ANK1: variants seen among roughly 807,000 people sequenced by gnomAD.
ANK1 encodes the protein ankyrin-1.
ANK1 carries 51 observed loss-of-function variants against 210.4 expected under a neutral mutation model. The ratio of observed to expected loss-of-function variants is 0.24; its 90% confidence interval spans 0.19 to 0.31. The LOEUF (loss-of-function observed/expected upper bound fraction) is 0.31, where lower values mean the gene tolerates loss of function less well. Ranked by LOEUF, ANK1 falls within the 10% of genes least tolerant of loss-of-function variation. The pLI, the probability that ANK1 is intolerant of heterozygous loss-of-function variation, is 1.00. For missense variants in ANK1, 2,051 were observed against 2,504.4 expected (o/e 0.82, Z 3.86); for synonymous variants, 967 against 1,025.9 (o/e 0.94, Z 1.10).
chr8:41,688,142 A>G lies in ANK1; in HGVS notation c.4258+14T>C. 6.2e-7 allele frequency: 1 copy of G among 1,613,900 alleles called. No individual in the cohort carries two copies. Among genetic ancestry groups the G allele is most frequent in the Non-Finnish European group, 8.5e-7 (1 of 1,179,778 alleles). On this transcript the variant is annotated intron_variant, in intron 35 of 42. Coordinates refer to ENST00000289734, the MANE Select transcript of ANK1 (RefSeq NM_000037.4). ...ATGGACAAAGTGCTTTTCTGCCCCC[A>G]ATTCCCCACTCACCTGCCCAGCTGA...
At chr8:41,711,707 T>C (rs553556163) in intron 16 of ANK1, among the ~76,000 whole-genome samples, 35 of 152,230 alleles carry the variant, frequency 2.3e-4, no homozygotes, top group Non-Finnish European at 5.1e-4. Flanking sequence ...TTTGTCAATA[T>C]ATACCTTCCA....
chr8:41,696,413 G>T lies in ANK1; in HGVS notation c.2910C>A (p.Gly970=). The T allele has an allele frequency of 6.2e-7, 1 of 1,613,310 alleles. No homozygotes were observed. The change falls in exon 26 of 43, where the codon GGC becomes GGA. Residue 970 remains glycine (G), a synonymous_variant. Transcript: ENST00000289734. ...CCAGTGCTATGATCCTGCTGGCCAG[G>T]CCCTCCTCCTCGGCCAGTGGGGGCG... The part of the protein sequence containing the change: ...STPPPLAEEE[G]LASRIIALGP...
At chr8:41,775,916 T>C (rs1369276657) in intron 1 of ANK1, among the ~76,000 whole-genome samples, 1 of 152,174 alleles carries the variant, frequency 6.6e-6, no homozygotes, top group Non-Finnish European at 1.5e-5. Context: ...AGCTACAATG[T>C]GTGAGCCAGG....
chr8:41,790,836 C>T (rs1320465888), intron 1 of ANK1, among the ~76,000 whole-genome samples: 1 of 152,162 alleles, frequency 6.6e-6, no homozygotes, highest in Non-Finnish European at 1.5e-5. Flanking sequence ...CTTCAAATCA[C>T]GCCGTGTAGA....
chr8:41,655,700 CTG>C lies in ANK1; in HGVS notation c.*88_*89del. On this transcript the variant is annotated 3_prime_UTR_variant, in exon 43 of 43. Transcript: ENST00000289734. ...GTGGCCCTCAGGTCCAGCTCTCCTC[CTG>C]TGTGCATGGCAGAGTGTGTGGGGTT... The C allele has an allele frequency of 1.2e-6, 2 of 1,613,618 alleles. No homozygotes were observed. Among genetic ancestry groups the C allele is most frequent in the Non-Finnish European group, 8.5e-7 (1 of 1,179,570 alleles).
At chr8:41,735,156 C>T (rs1833114771) in intron 2 of ANK1, among the ~76,000 whole-genome samples, 1 of 152,220 alleles carries the variant, frequency 6.6e-6, no homozygotes, top group Admixed American at 6.5e-5. Flanking sequence ...TTATTCATCA[C>T]TCTCATGCTT....
At chr8:41,728,238 C>G (rs1434187541) in intron 3 of ANK1, among the ~76,000 whole-genome samples, 2 of 152,102 alleles carry the variant, frequency 1.3e-5, no homozygotes, top group African/African-American at 4.8e-5. Flanking sequence ...CTGCAAGAGC[C>G]ATAAAAAAGA....
intron 1 of ANK1, among the ~76,000 whole-genome samples, chr8:41,805,217 CTCTCTCTG>C (rs918668651): frequency 4.6e-5 from 7 of 151,116 alleles, no homozygotes; most frequent in African/African-American, 9.8e-5. Flanking sequence ...GTCTCTCTCT[CTCTCTCTG>C]TCTCTCTCTC....
intron 1 of ANK1, among the ~76,000 whole-genome samples, chr8:41,825,031 A>G (rs972690184): frequency 3.3e-5 from 5 of 152,220 alleles, no homozygotes; most frequent in African/African-American, 1.2e-4. Context: ...CAACAGAGTA[A>G]CCTAAAGATG....
chr8:41,883,878 G>T (rs756394397), intron 1 of ANK1, among the ~76,000 whole-genome samples: 1 of 152,194 alleles, frequency 6.6e-6, no homozygotes, highest in Non-Finnish European at 1.5e-5. Flanking sequence ...CAGCTCTGTT[G>T]TCGAGGGCAG....
chr8:41,847,966 C>T (rs894299207), intron 1 of ANK1, among the ~76,000 whole-genome samples: 9 of 152,102 alleles, frequency 5.9e-5, no homozygotes, highest in Admixed American at 3.9e-4. Context: ...AGGCAGATCA[C>T]TTGAGGTCAG....
At chr8:41,663,603 T>G in intron 40 of ANK1, 56 bp downstream of exon 40, 2 of 1,546,414 alleles carry the variant, frequency 1.3e-6, no homozygotes, top group Non-Finnish European at 1.8e-6. Context: ...CTACCACCTT[T>G]TAGCTTCTAG....
At chr8:41,844,920 T>A (rs968747611) in intron 1 of ANK1, among the ~76,000 whole-genome samples, 2 of 152,116 alleles carry the variant, frequency 1.3e-5, no homozygotes, top group Non-Finnish European at 2.9e-5. Flanking sequence ...GTCCCCGGGA[T>A]GCGCTTTCTG....
intron 2 of ANK1, among the ~76,000 whole-genome samples, chr8:41,754,935 GC>G (rs1838732307): frequency 6.6e-6 from 1 of 152,280 alleles, no homozygotes. Flanking sequence ...GACCAACAGG[GC>G]CACATCTGGC....
At chr8:41,832,707 C>G (rs760730157) in intron 1 of ANK1, among the ~76,000 whole-genome samples, 5 of 152,118 alleles carry the variant, frequency 3.3e-5, no homozygotes, top group Non-Finnish European at 7.4e-5. Context: ...CAGAGGGTTC[C>G]CAGAGGAAAT....
Position 41,844,485 on chromosome 8 carries a change from C to G in ANK1, c.126+51870G>C, listed in dbSNP as rs138702815. 7.0e-3 allele frequency among the ~76,000 whole-genome samples: 1,071 copies of G among 152,198 alleles called. 17 individuals carry two copies. The highest frequency in any genetic ancestry group is 0.025 in the African/African-American group (1,033 of 41,512). ...CCCAGCCATACACAACAGGCACACA[C>G]CCCTCCCCGCAACTGATGCACCCAC... On this transcript the variant is annotated intron_variant, in intron 1 of 42. Transcript: ENST00000265709.
intron 42 of ANK1, among the ~76,000 whole-genome samples, chr8:41,657,170 G>T (rs1284945216): frequency 3.3e-5 from 5 of 151,942 alleles, no homozygotes. Context: ...TCTCCCTTTT[G>T]TATTTTGTAA....
At chr8:41,816,723 T>G (rs747513163) in intron 1 of ANK1, among the ~76,000 whole-genome samples, 54 of 152,296 alleles carry the variant, frequency 3.5e-4, no homozygotes, top group Middle Eastern at 6.8e-3. Flanking sequence ...AGCCACCAGG[T>G]CTGGCCAATA....
At chr8:41,754,117 C>A (rs552034457) in intron 2 of ANK1, among the ~76,000 whole-genome samples, 2 of 152,262 alleles carry the variant, frequency 1.3e-5, no homozygotes, top group Non-Finnish European at 2.9e-5. Context: ...GCTCTCACTG[C>A]CAATAGACTA....
Sources: allele counts gnomAD v4.1 joint callset (sites outside exome capture counted in the v4.1 genomes callset), GRCh38; gene constraint gnomAD v4.1.1; transcripts MANE v1.5; gene names NCBI Gene and HGNC (gene_info 2026-07-23, HGNC 2026-07-21).